SYNE2: variants seen among roughly 807,000 people sequenced by gnomAD.
The protein encoded by SYNE2 is spectrin repeat containing nuclear envelope protein 2.
SYNE2 carries 431 observed loss-of-function variants against 856.3 expected under a neutral mutation model. That is an observed-to-expected ratio of 0.50 (90% confidence interval 0.47 to 0.55). The LOEUF (loss-of-function observed/expected upper bound fraction) is 0.55. SYNE2 is among the 20% of genes least tolerant of loss of function. The pLI is 0.00. For synonymous variants in SYNE2, 2,923 were observed against 2,872.3 expected (o/e 1.02, Z -0.56); for missense variants, 8,129 against 8,023.2 (o/e 1.01, Z -0.50).
chr14:64,101,996 A>G lies in SYNE2; in HGVS notation c.12446A>G (p.Asp4149Gly). The G allele has an allele frequency of 1.9e-6, 3 of 1,614,128 alleles. No homozygotes were observed. The highest frequency in any genetic ancestry group is 2.5e-6 in the Non-Finnish European group (3 of 1,179,962). The change falls in exon 64 of 116, where the codon GAC (aspartate) becomes GGC (glycine). Residue 4149 changes from aspartate (D) to glycine (G), a missense_variant. By Grantham distance (94) the Asp-to-Gly change is moderately conservative. This residue lies in a region of SYNE2 where 5,410 missense variants were observed against 5,284.8 expected (regional missense o/e 1.02). Transcript: ENST00000555002. Reference protein sequence around the residue: ...SWSSLWKHDKDMEEDRASSSS... With the variant: ...SWSSLWKHDKGMEEDRASSSS... ...TCTTCACTTTGGAAGCATGACAAGG[A>G]CATGGAAGAAGACAGAGCTTCCTCA...
At chr14:64,223,093 A>G in intron 112 of SYNE2, 96 bp from the exon 113 acceptor site, 2 of 1,308,988 alleles carry the variant, frequency 1.5e-6, no homozygotes, top group Non-Finnish European at 2.2e-6. Context: ...CCCATCATTC[A>G]TTCTGGAATT....
chr14:63,808,100 A>C (rs1451595498), intron 1 of SYNE2, among the ~76,000 whole-genome samples: 2 of 128,532 alleles, frequency 1.6e-5, no homozygotes, highest in Non-Finnish European at 3.1e-5. Context: ...GCTAATTTTT[A>C]AAATTTTTAT....
chr14:63,887,750 T>A (rs905729191), intron 1 of SYNE2, among the ~76,000 whole-genome samples: 4 of 82,970 alleles, frequency 4.8e-5, no homozygotes, highest in Admixed American at 1.1e-4. Flanking sequence ...TGAGTCCTGC[T>A]TTTTTTTTTT....
At position 64,202,817 on chromosome 14, in the gene SYNE2, G is replaced by A; in HGVS notation, c.18055G>A (p.Glu6019Lys). The A allele has an allele frequency of 1.2e-6, 2 of 1,614,116 alleles. No individual in the cohort carries two copies. Among genetic ancestry groups the A allele is most frequent in the Non-Finnish European group, 1.7e-6 (2 of 1,180,028 alleles). ...TATGTGTAGGGTGAAGAAGCTGAAG[G>A]AGACCTTTGCTTTTATTCAGCAGTT... is the stretch of plus-strand genomic sequence containing the variant. The part of the protein sequence containing the change: ...VIGSRVKKLK[E>K]TFAFIQQLDK... The change falls in exon 100 of 116, where the codon GAG becomes AAG. Residue 6019 changes from glutamate (E) to lysine (K), a missense_variant. Coordinates refer to ENST00000555002, the MANE Select transcript of SYNE2 (RefSeq NM_182914.3).
intron 100 of SYNE2, among the ~76,000 whole-genome samples, chr14:64,204,862 A>G (rs960766321): frequency 1.3e-5 from 2 of 152,224 alleles, no homozygotes; most frequent in African/African-American, 2.4e-5. Flanking sequence ...TCACTGGGCT[A>G]AGATCAGGGT....
At chr14:63,924,832 G>GTTTTTTT (rs1491139905) in intron 2 of SYNE2, among the ~76,000 whole-genome samples, 1,290 of 92,784 alleles carry the variant, frequency 0.014, 345 homozygotes, top group East Asian at 0.024. Context: ...TCCAGCCTTG[G>GTTTTTTT]TGTTTTTTTT....
intron 1 of SYNE2, among the ~76,000 whole-genome samples, chr14:63,870,102 A>G (rs1278762394): frequency 1.3e-5 from 2 of 152,152 alleles, no homozygotes; most frequent in African/African-American, 4.8e-5. Flanking sequence ...CCATGAGAAT[A>G]TAGTCTGAAC....
intron 89 of SYNE2, among the ~76,000 whole-genome samples, chr14:64,164,859 T>A (rs2098362434): frequency 7.0e-6 from 1 of 142,952 alleles, no homozygotes; most frequent in South Asian, 2.3e-4. Context: ...TTACTTTTTT[T>A]TATTTTTTGT....
chr14:64,043,537 C>T (rs1250406726), intron 45 of SYNE2, among the ~76,000 whole-genome samples: 10 of 151,960 alleles, frequency 6.6e-5, no homozygotes, highest in Non-Finnish European at 1.3e-4. Context: ...GCCCAGAGTC[C>T]TTTTGCTGTG....
intron 1 of SYNE2, among the ~76,000 whole-genome samples, chr14:63,893,368 G>C (rs2095178783): frequency 6.6e-6 from 1 of 152,124 alleles, no homozygotes; most frequent in Non-Finnish European, 1.5e-5. Context: ...AGACCAGCCT[G>C]GGCAACATTG....
chr14:64,177,523 C>G (rs2098440538), intron 96 of SYNE2, 40 bp downstream of exon 96: 1 of 1,613,918 alleles, frequency 6.2e-7, no homozygotes, highest in African/African-American at 1.3e-5. Context: ...AATCACTTAG[C>G]TGTTTTCTGA....
Position 63,964,138 on chromosome 14 carries a change from G to A in SYNE2, c.990+138G>A, listed in dbSNP as rs2096358730. ...AGTTTTAAGGCTGAATTCTAGGACTGTACTTCCGAAACTTTAAGGTGCATG... is the reference window on the plus strand; with the variant it reads ...AGTTTTAAGGCTGAATTCTAGGACTATACTTCCGAAACTTTAAGGTGCATG... On this transcript the variant is annotated intron_variant, in intron 10 of 115. Transcript: ENST00000555002. The A allele has an allele frequency of 2.2e-5, 14 of 627,130 alleles. No individual in the cohort carries two copies. The East Asian group carries it at 4.1e-4, about 18-fold the overall frequency. The allele number at this position is 627,130 out of a possible 1,614,324, so 38.8% of individuals were successfully genotyped here.
intron 1 of SYNE2, among the ~76,000 whole-genome samples, chr14:63,822,301 A>T (rs1889251704): frequency 6.6e-6 from 1 of 152,112 alleles, no homozygotes; most frequent in Admixed American, 6.5e-5. Flanking sequence ...CACTATTTCC[A>T]TTCTATGCTC....
At chr14:63,991,213 T>A in intron 21 of SYNE2, 98 bp downstream of exon 21, 1 of 1,190,994 alleles carries the variant, frequency 8.4e-7, no homozygotes, top group Non-Finnish European at 1.2e-6. Flanking sequence ...ATATACTGAG[T>A]TACTGTAACT....
At chr14:64,133,321 T>C (rs2098044983) in intron 77 of SYNE2, among the ~76,000 whole-genome samples, 1 of 152,214 alleles carries the variant, frequency 6.6e-6, no homozygotes, top group Non-Finnish European at 1.5e-5. Flanking sequence ...ATTTATAATA[T>C]GTCATGGTAT....
intron 101 of SYNE2, chr14:64,209,211 T>C (rs1301750104): frequency 2.3e-6 from 2 of 873,202 alleles, no homozygotes; most frequent in Admixed American, 5.0e-5. Context: ...GAGGCAGCCC[T>C]GTCTCCTGGT....
Position 64,223,179 on chromosome 14 carries a change from C to A in SYNE2, c.20191-10C>A, listed in dbSNP as rs756363029. 1 of 1,613,284 alleles carries A rather than the reference C, an allele frequency of 6.2e-7. No individual in the cohort carries two copies. Among genetic ancestry groups the A allele is most frequent in the Non-Finnish European group, 8.5e-7 (1 of 1,179,688 alleles). On this transcript the variant is annotated splice_polypyrimidine_tract_variant and intron_variant, in intron 112 of 115. Transcript: ENST00000555002. ...CAGGTCACTGTTTCACACACTTTAT[C>A]TGTTTTCAGCAACTGGAAAAGGAGC... is the stretch of plus-strand genomic sequence containing the variant.
At chr14:63,814,704 A>G (rs1289624018) in intron 1 of SYNE2, among the ~76,000 whole-genome samples, 1 of 133,100 alleles carries the variant, frequency 7.5e-6, no homozygotes, top group Non-Finnish European at 1.6e-5. Flanking sequence ...ATATATCCAT[A>G]TATATCCATA....
At chr14:63,800,790 A>C (rs1345849806) in intron 1 of SYNE2, among the ~76,000 whole-genome samples, 1 of 152,146 alleles carries the variant, frequency 6.6e-6, no homozygotes, top group Non-Finnish European at 1.5e-5. Flanking sequence ...AGAAGGAAGC[A>C]GACACTGTGA....
Sources: allele counts gnomAD v4.1 joint callset (sites outside exome capture counted in the v4.1 genomes callset), GRCh38; gene constraint gnomAD v4.1.1; regional missense constraint gnomAD v4.1.1; transcripts MANE v1.5; gene names NCBI Gene and HGNC (gene_info 2026-07-23, HGNC 2026-07-21).